ARID1B: variants seen among roughly 807,000 people sequenced by gnomAD.
ARID1B encodes the protein AT-rich interactive domain-containing protein 1B.
ARID1B carries 30 observed loss-of-function variants against 212.3 expected under a neutral mutation model. That is an observed-to-expected ratio of 0.14 (90% CI 0.11 to 0.19). The LOEUF (loss-of-function observed/expected upper bound fraction) is 0.19. Among genes scored for constraint, ARID1B ranks in the 10% least tolerant of loss-of-function variants. The pLI, the probability that ARID1B is intolerant of heterozygous loss-of-function variation, is 1.00. For missense variants in ARID1B, 2,891 were observed against 3,204.0 expected, an observed-to-expected ratio of 0.90 and a Z score of 2.36; for synonymous variants, 1,402 against 1,301.7, an observed-to-expected ratio of 1.08 and a Z score of -1.66.
At chr6:156,833,706 CTAAT>C (rs544454461) in intron 2 of ARID1B, among the ~76,000 whole-genome samples, 24 of 152,142 alleles carry the variant, frequency 1.6e-4, no homozygotes, top group African/African-American at 2.9e-4. Flanking sequence ...TAAATATAAA[CTAAT>C]TATTTTTGTT....
intron 14 of ARID1B, 94 bp downstream of exon 14, chr6:157,189,874 C>T (rs1373745303): frequency 2.5e-6 from 4 of 1,582,922 alleles, no homozygotes; most frequent in Non-Finnish European, 8.6e-7. Context: ...AAATGGTATT[C>T]CCTAGAGAGT....
intron 5 of ARID1B, among the ~76,000 whole-genome samples, chr6:157,086,368 T>G (rs1236702059): frequency 2.0e-5 from 3 of 152,246 alleles, no homozygotes; most frequent in African/African-American, 7.2e-5. Flanking sequence ...TGCTTTTAAC[T>G]TTTTAATGCT....
chr6:156,862,208 A>C (rs1359639255), intron 2 of ARID1B, among the ~76,000 whole-genome samples: 1 of 151,608 alleles, frequency 6.6e-6, no homozygotes, highest in Non-Finnish European at 1.5e-5. Context: ...TGTGTGGCTC[A>C]GTGGTTCTGT....
chr6:156,872,899 C>A (rs1234446525), intron 2 of ARID1B, among the ~76,000 whole-genome samples: 1 of 152,258 alleles, frequency 6.6e-6, no homozygotes, highest in East Asian at 1.9e-4. Flanking sequence ...TCCCCTGGAA[C>A]CCCTGCCCAT....
At position 156,988,021 on chromosome 6, in the gene ARID1B, GTCTT is replaced by G. The variant is rs1461402415; in HGVS notation, c.2247+52452_2247+52455del. Reference sequence around the variant, plus strand: ...TATCGTGGAAATGGTCAATATCTTAGTCTTTCTTTCATTCTAGATGCTTACTGTT... The same window carrying G: ...TATCGTGGAAATGGTCAATATCTTAGTCTTTCATTCTAGATGCTTACTGTT... On this transcript the variant is annotated intron_variant, in intron 4 of 19. Transcript: ENST00000636930. 2.5e-4 allele frequency among the ~76,000 whole-genome samples: 38 copies of G among 152,260 alleles called. No homozygotes were observed. The East Asian group carries it at 6.0e-3, about 24-fold the overall frequency.
chr6:156,958,315 T>C (rs1474017543), intron 4 of ARID1B, among the ~76,000 whole-genome samples: 1 of 152,248 alleles, frequency 6.6e-6, no homozygotes, highest in Non-Finnish European at 1.5e-5. Flanking sequence ...ACACTAGGAA[T>C]GAGTAATACT....
chr6:156,792,317 G>T (rs994137995), intron 1 of ARID1B, among the ~76,000 whole-genome samples: 4 of 152,084 alleles, frequency 2.6e-5, no homozygotes, highest in African/African-American at 9.7e-5. Flanking sequence ...AAAAAACCAT[G>T]CAAGGCCGGA....
intron 6 of ARID1B, among the ~76,000 whole-genome samples, chr6:157,114,110 A>G (rs1787144163): frequency 6.6e-6 from 1 of 152,202 alleles, no homozygotes; most frequent in African/African-American, 2.4e-5. Context: ...ATTCCCCCAT[A>G]TTGGAAAGTA....
intron 7 of ARID1B, among the ~76,000 whole-genome samples, chr6:157,134,376 A>G (rs1788768991): frequency 6.6e-6 from 1 of 152,226 alleles, no homozygotes; most frequent in Non-Finnish European, 1.5e-5. Flanking sequence ...TCTTTGCCTT[A>G]GAGGGCTTTG....
At chr6:157,158,308 T>C (rs1790699973) in intron 8 of ARID1B, among the ~76,000 whole-genome samples, 1 of 152,198 alleles carries the variant, frequency 6.6e-6, no homozygotes, top group Admixed American at 6.5e-5. Context: ...ACTCAGGAAA[T>C]CTCCAAGAAT....
intron 4 of ARID1B, among the ~76,000 whole-genome samples, chr6:157,053,226 C>G (rs1272512089): frequency 6.6e-6 from 1 of 152,146 alleles, no homozygotes; most frequent in Admixed American, 6.5e-5. Flanking sequence ...GCTGGGATTA[C>G]AGGCGCCTAC....
chr6:156,949,017 T>A (rs778086892), intron 4 of ARID1B, among the ~76,000 whole-genome samples: 1 of 152,226 alleles, frequency 6.6e-6, no homozygotes, highest in Non-Finnish European at 1.5e-5. Flanking sequence ...CAGAGCTTTT[T>A]ATACAAGACA....
intron 3 of ARID1B, among the ~76,000 whole-genome samples, chr6:156,921,840 C>T (rs1039402894): frequency 2.0e-5 from 3 of 152,066 alleles, no homozygotes; most frequent in Non-Finnish European, 4.4e-5. Context: ...TTGGCTGTTT[C>T]TTCTGTTTCT....
rs374694003 is a variant in ARID1B at position 156,957,888 on chromosome 6, C to T, written c.2247+22312C>T. 5.9e-5 allele frequency among the ~76,000 whole-genome samples: 9 copies of T among 152,256 alleles called. No homozygotes were observed. The East Asian group carries it at 1.7e-3, about 29-fold the overall frequency. ...TCCATCTTGCTGCCCCTTCCAAGCC[C>T]CCCAAACAACTGGAGTTCTGTATTC... On this transcript the variant is annotated intron_variant, in intron 4 of 19. Transcript: ENST00000636930.
intron 4 of ARID1B, among the ~76,000 whole-genome samples, chr6:156,949,622 C>T (rs762972180): frequency 2.6e-5 from 4 of 152,194 alleles, no homozygotes. Context: ...GGACTCCTAG[C>T]CTGTGACTTC....
rs1414173677 is a variant in ARID1B, at chr6:156,894,267, CGGGGGTTGGGATGGGGGCCG to C, written c.1987-7084_1987-7065del. On this transcript the variant is annotated intron_variant, in intron 2 of 19. Transcript: ENST00000636930. ...AGTCAGAAAGTGTAATGGTGCTTGCCGGGGGTTGGGATGGGGGCCGGGGGGTTGGGATGGGGGCCGGGGGT... is the reference window on the plus strand; with the variant it reads ...AGTCAGAAAGTGTAATGGTGCTTGCCGGGGGTTGGGATGGGGGCCGGGGGT... 7.8e-4 allele frequency among the ~76,000 whole-genome samples: 21 copies of C among 26,892 alleles called. 1 individual carries two copies. The highest frequency in any genetic ancestry group is 4.9e-3 in the East Asian group (3 of 610). 17.6% of individuals were successfully genotyped at this position (26,892 alleles called of 152,430 possible). A position where few individuals can be genotyped will look rare whatever the true frequency, so the allele number is the denominator to read the frequency against.
Position 157,206,602 on chromosome 6 carries a change from C to T in ARID1B, c.5830C>T (p.Leu1944Phe), listed in dbSNP as rs773361750. Residue 1944 changes from leucine (L) to phenylalanine (F), a missense_variant, in exon 20 of 20, where the codon CTC (leucine) becomes TTC (phenylalanine). Leu to Phe is a conservative substitution (Grantham distance 22). Coordinates refer to ENST00000636930, the MANE Select transcript of ARID1B (RefSeq NM_001374828.1). This position sits in a 1 kb window ranked among gnomAD's most constrained non-coding sequence, Gnocchi z 6.8. ...EFNSGLLHWQ[L>F]GGGDTTEHIQ... is the part of the protein sequence containing the mutation. ...CAATAGTGGCCTTCTGCACTGGCAGCTCGGCGGGGGTGACACCACCGAGCA... is the reference window on the plus strand; with the variant it reads ...CAATAGTGGCCTTCTGCACTGGCAGTTCGGCGGGGGTGACACCACCGAGCA... 1.2e-6 allele frequency: 2 copies of T among 1,613,924 alleles called. No homozygotes were observed. The highest frequency in any genetic ancestry group is 2.2e-5 in the East Asian group (1 of 44,850).
At chr6:156,823,751 AAGT>A (rs1015502626) in intron 1 of ARID1B, among the ~76,000 whole-genome samples, 2 of 151,130 alleles carry the variant, frequency 1.3e-5, no homozygotes, top group Admixed American at 1.3e-4. Flanking sequence ...GGGCTGAAAA[AAGT>A]AGTAAAATAT....
intron 4 of ARID1B, among the ~76,000 whole-genome samples, chr6:157,040,439 C>T (rs150026714): frequency 1.3e-4 from 20 of 152,252 alleles, no homozygotes; most frequent in African/African-American, 4.6e-4. Context: ...TGTATGTCGC[C>T]GCTCCTTTTA....
Sources: allele counts gnomAD v4.1 joint callset (sites outside exome capture counted in the v4.1 genomes callset), GRCh38; gene constraint gnomAD v4.1.1; non-coding constraint Gnocchi (gnomAD v3.1); transcripts MANE v1.5; gene names NCBI Gene and HGNC (gene_info 2026-07-23, HGNC 2026-07-21).